KAT6B: variants seen among roughly 807,000 people sequenced by gnomAD.
KAT6B encodes the protein histone acetyltransferase KAT6B.
KAT6B carries 10 observed loss-of-function variants against 187.5 expected under a neutral mutation model. The observed-to-expected ratio is 0.05, with a 90% CI of 0.03 to 0.09. The LOEUF (loss-of-function observed/expected upper bound fraction) is 0.09, where lower values mean the gene tolerates loss of function less well. Ranked by LOEUF, KAT6B falls within the 10% of genes least tolerant of loss-of-function variation. The pLI is 1.00. For synonymous variants in KAT6B, 861 were observed against 926.8 expected, an observed-to-expected ratio of 0.93 and a Z score of 1.29; for missense variants, 1,952 against 2,558.9, an observed-to-expected ratio of 0.76 and a Z score of 5.12.
intron 3 of KAT6B, among the ~76,000 whole-genome samples, chr10:74,900,749 G>C (rs931523879): frequency 2.0e-5 from 3 of 152,210 alleles, no homozygotes; most frequent in Non-Finnish European, 4.4e-5. Context: ...AGCAGTCCCA[G>C]CCAATAGCTA....
chr10:74,873,033 T>C (rs1317460975), intron 3 of KAT6B, among the ~76,000 whole-genome samples: 1 of 152,186 alleles, frequency 6.6e-6, no homozygotes, highest in Non-Finnish European at 1.5e-5. Flanking sequence ...GGGTGAATGA[T>C]CATGGTCTTT....
In KAT6B at chr10:74,843,321, G is replaced by T. The variant is rs769646911; in HGVS notation, c.464G>T (p.Gly155Val). The stretch of plus-strand genomic sequence containing the variant: ...GCCTTTCAGCAGCGGCTGCGACTGG[G>T]GGCCAAACGCGCTGTGAATAATGGG... ...NPAFQQRLRL[G>V]AKRAVNNGRL... Residue 155 changes from glycine (G) to valine (V), a missense_variant, in exon 3 of 18, where the codon GGG becomes GTG. Physicochemically the swap from Gly to Val is moderately radical, Grantham distance 109. This residue lies in a region of KAT6B where 218 missense variants were observed against 282.6 expected (regional missense o/e 0.77). Coordinates refer to ENST00000287239, the MANE Select transcript of KAT6B (RefSeq NM_012330.4). 1 of 1,613,544 alleles carries T rather than the reference G, an allele frequency of 6.2e-7. No individual in the cohort carries two copies. The highest frequency in any genetic ancestry group is 2.2e-5 in the East Asian group (1 of 44,886).
At position 74,976,197 on chromosome 10, in the gene KAT6B, C is replaced by A; in HGVS notation, c.1860C>A (p.Phe620Leu). 6.2e-7 allele frequency: 1 copy of A among 1,614,170 alleles called. No individual in the cohort carries two copies. Among genetic ancestry groups the A allele is most frequent in the Non-Finnish European group, 8.5e-7 (1 of 1,180,028 alleles). ...GTATTTTTAAAGCAATTGCTCACTT[C>A]AAGCGAACAACTTTCCTTAAAAAGC... ...RGSIFKAIAH[F>L]KRTTFLKKHR... Residue 620 changes from phenylalanine to leucine, a missense_variant, in exon 8 of 18, where the codon TTC becomes TTA. Physicochemically the swap from Phe to Leu is conservative, Grantham distance 22. Transcript: ENST00000287239.
chr10:74,840,596 G>A (rs1034622295), intron 2 of KAT6B, among the ~76,000 whole-genome samples: 13 of 152,202 alleles, frequency 8.5e-5, no homozygotes, highest in Non-Finnish European at 1.0e-4. Context: ...ATCACTGGAA[G>A]TATTTTAAAA....
At chr10:74,985,288 T>G in intron 12 of KAT6B, 47 bp downstream of exon 12, 1 of 1,584,464 alleles carries the variant, frequency 6.3e-7, no homozygotes, top group Non-Finnish European at 8.7e-7. Context: ...TCAAAATGTT[T>G]TTGGTAGAGC....
chr10:74,859,340 C>T (rs1022124970), intron 3 of KAT6B, among the ~76,000 whole-genome samples: 1 of 152,244 alleles, frequency 6.6e-6, no homozygotes, highest in East Asian at 1.9e-4. Context: ...CCACCTCAGC[C>T]TCCCAAAGTG....
At chr10:74,860,193 T>C (rs1357758044) in intron 3 of KAT6B, among the ~76,000 whole-genome samples, 1 of 152,180 alleles carries the variant, frequency 6.6e-6, no homozygotes, top group Non-Finnish European at 1.5e-5. Context: ...GTGCCTTCTC[T>C]CTCCTGAAAT....
intron 3 of KAT6B, among the ~76,000 whole-genome samples, chr10:74,944,499 C>G (rs1849951423): frequency 1.3e-5 from 2 of 152,142 alleles, no homozygotes; most frequent in South Asian, 4.1e-4. Flanking sequence ...ACATGAACAA[C>G]GTCATTAGTC....
chr10:74,976,039 C>T lies in KAT6B; in HGVS notation c.1702C>T (p.Pro568Ser). ...RKKGHPSYAP[P>S]KRMRRKTELS... ...AAAGGGACACCCGAGTTATGCACCA[C>T]CCAAACGTATGCGTCGTAAAACTGA... The change falls in exon 8 of 18, where the codon CCC (proline) becomes TCC (serine). Residue 568 changes from proline to serine, a missense_variant. Around this residue, in one of 9 missense-constraint regions of KAT6B, gnomAD observed 417 missense variants for 508.9 expected, o/e 0.82. Coordinates refer to ENST00000287239, the MANE Select transcript of KAT6B (RefSeq NM_012330.4). The T allele has an allele frequency of 3.1e-6, 5 of 1,614,206 alleles. No homozygotes were observed. The highest frequency in any genetic ancestry group is 4.2e-6 in the Non-Finnish European group (5 of 1,180,048).
Position 75,029,228 on chromosome 10 carries a change from C to G in KAT6B, c.4404C>G (p.His1468Gln). The G allele has an allele frequency of 1.2e-6, 2 of 1,614,134 alleles. No individual in the cohort carries two copies. The highest frequency in any genetic ancestry group is 1.7e-6 in the Non-Finnish European group (2 of 1,180,036). ...TFLDLNVQPG[H>Q]SNPEVLMDCG... ...TAGACCTTAATGTGCAGCCTGGTCACTCGAACCCAGAGGTCTTAATGGACT... is the reference window on the plus strand; with the variant it reads ...TAGACCTTAATGTGCAGCCTGGTCAGTCGAACCCAGAGGTCTTAATGGACT... The change falls in exon 18 of 18, where the codon CAC (histidine) becomes CAG (glutamine). Residue 1468 changes from histidine to glutamine, a missense_variant. His to Gln is a conservative substitution (Grantham distance 24). This residue lies in a region of KAT6B where 758 missense variants were observed against 891.4 expected (regional missense o/e 0.85). Transcript: ENST00000287239. This position sits in a 1 kb window ranked among gnomAD's most constrained non-coding sequence, Gnocchi z 6.2.
At chr10:75,020,482 T>A in intron 13 of KAT6B, 100 bp from the exon 14 acceptor site, 5 of 816,464 alleles carry the variant, frequency 6.1e-6, no homozygotes, top group Non-Finnish European at 1.1e-5. Flanking sequence ...TCTGTTGTGA[T>A]GTTTTTACCT....
intron 3 of KAT6B, among the ~76,000 whole-genome samples, chr10:74,876,326 G>A (rs865861970): frequency 7.2e-5 from 11 of 152,036 alleles, no homozygotes; most frequent in African/African-American, 2.7e-4. Context: ...TTATATAAGT[G>A]CTCTTTCTTT....
At position 74,940,781 on chromosome 10, in the gene KAT6B, G is replaced by A. The variant is rs139277560; in HGVS notation, c.622-19189G>A. Among the ~76,000 whole-genome samples, 99 of 152,104 alleles carry A rather than the reference G, an allele frequency of 6.5e-4. 1 individual carries two copies. The highest frequency in any genetic ancestry group is 2.4e-3 in the African/African-American group (98 of 41,486). On this transcript the variant is annotated intron_variant, in intron 3 of 17. Transcript: ENST00000287239. Reference sequence around the variant, plus strand: ...TTTTAAAACATGTTTATGTACCTAAGCTCATTTATGCCTTTGAGTCCCTAA... The same window carrying A: ...TTTTAAAACATGTTTATGTACCTAAACTCATTTATGCCTTTGAGTCCCTAA...
chr10:74,923,620 A>G (rs1322418479), intron 3 of KAT6B, among the ~76,000 whole-genome samples: 2 of 152,166 alleles, frequency 1.3e-5, no homozygotes, highest in African/African-American at 4.8e-5. Context: ...AGTGTTCTAG[A>G]TGGAGGGAAC....
chr10:74,896,022 A>T, intron 3 of KAT6B, among the ~76,000 whole-genome samples: 1 of 149,278 alleles, frequency 6.7e-6, no homozygotes, highest in Admixed American at 6.7e-5. Context: ...TGTTTTTCAG[A>T]CTCCTTCTTT....
At chr10:74,989,774 T>TC (rs1843013681) in intron 13 of KAT6B, among the ~76,000 whole-genome samples, 1 of 152,160 alleles carries the variant, frequency 6.6e-6, no homozygotes, top group South Asian at 2.1e-4. Context: ...GTTTTTTTTT[T>TC]CCTCCTTGTT....
At chr10:74,939,831 T>G (rs16931864) in intron 3 of KAT6B, among the ~76,000 whole-genome samples, 2,847 of 152,356 alleles carry the variant, frequency 0.019, 77 homozygotes, top group African/African-American at 0.058. Context: ...CAATTTAAAA[T>G]GCCTGTTTCC....
At chr10:74,973,444 A>C (rs904080495) in intron 7 of KAT6B, among the ~76,000 whole-genome samples, 1 of 152,226 alleles carries the variant, frequency 6.6e-6, no homozygotes, top group Non-Finnish European at 1.5e-5. Context: ...TAGCAGTTCT[A>C]CCAACAGACT....
chr10:74,886,966 C>A (rs1056235609), intron 3 of KAT6B, among the ~76,000 whole-genome samples: 2 of 152,086 alleles, frequency 1.3e-5, no homozygotes, highest in Admixed American at 1.3e-4. Context: ...GTAAGGGAGA[C>A]CATGTCAGCA....
Sources: gnomAD v4.1 joint callset for allele counts (sites outside exome capture counted in the v4.1 genomes callset) on GRCh38, gnomAD v4.1.1 for gene constraint, gnomAD v4.1.1 regional missense constraint, Gnocchi (gnomAD v3.1) non-coding constraint, MANE v1.5 for transcripts, NCBI Gene and HGNC (gene_info 2026-07-23, HGNC 2026-07-21) for gene names.